The following SYNJ2 variants were observed in gnomAD, a reference collection of about 807,000 sequenced individuals.
SYNJ2 encodes the protein polyphosphatidylinositol phosphatase SYNJ2.
A neutral mutation model predicts 141.3 loss-of-function variants in SYNJ2; 116 were observed. That is an observed-to-expected ratio of 0.82 (90% CI 0.71 to 0.96). SYNJ2 has a LOEUF of 0.96. Among genes scored for constraint, SYNJ2 ranks in the 40% least tolerant of loss-of-function variants. SYNJ2 has a pLI of 0.00. For missense variants in SYNJ2, 1,873 were observed against 1,934.8 expected (o/e 0.97, Z 0.60); for synonymous variants, 745 against 777.7 (o/e 0.96, Z 0.70).
intron 16 of SYNJ2, among the ~76,000 whole-genome samples, chr6:158,075,979 C>A (rs1782259815): frequency 7.9e-6 from 1 of 126,114 alleles, no homozygotes; most frequent in South Asian, 2.7e-4. Flanking sequence ...TTGCCTAAGC[C>A]CAGGAGTTTG....
At position 158,071,494 on chromosome 6, in the gene SYNJ2, C is replaced by T; in HGVS notation, c.1941-108C>T. The T allele has an allele frequency of 7.8e-7, 1 of 1,281,174 alleles. No individual in the cohort carries two copies. The highest frequency in any genetic ancestry group is 1.4e-5 in the South Asian group (1 of 69,486). 79.4% of individuals were successfully genotyped at this position (1,281,174 alleles called of 1,614,324 possible). On this transcript the variant is annotated intron_variant, in intron 14 of 26. Transcript: ENST00000355585. The surrounding 1 kb of genome is among the most constrained non-coding windows in gnomAD (Gnocchi z 4.3). ...CTGTGTTGAGCTGATGATTTTGGAG[C>T]ACTCAGAGCAGCAGGTCCCGAGCTG...
In SYNJ2 at chr6:158,063,818, C is replaced by T. The variant is rs1234391456; in HGVS notation, c.1155C>T (p.Asn385=). ...TTCAGAAAGGCACTTTGCGGATGAACTGTCTTGACTGCCTGGACCGAACCA... is the reference window on the plus strand; with the variant it reads ...TTCAGAAAGGCACTTTGCGGATGAATTGTCTTGACTGCCTGGACCGAACCA... ...PRFQKGTLRM[N]CLDCLDRTNT... Residue 385 remains asparagine (N), a synonymous_variant, in exon 9 of 27, where the codon AAC becomes AAT. Coordinates refer to ENST00000355585, the MANE Select transcript of SYNJ2 (RefSeq NM_003898.4). The T allele has an allele frequency of 1.2e-6, 2 of 1,613,660 alleles. No homozygotes were observed. Among genetic ancestry groups the T allele is most frequent in the African/African-American group, 2.7e-5 (2 of 75,022 alleles).
intron 1 of SYNJ2, among the ~76,000 whole-genome samples, chr6:157,989,427 AATATATATATAT>A (rs34948131): frequency 0.018 from 1,769 of 96,300 alleles, 38 homozygotes; most frequent in Middle Eastern, 0.041. Flanking sequence ...TAAAAAAATG[AATATATATATAT>A]ATATATATAT....
At chr6:157,990,922 C>A (rs1777399715) in intron 1 of SYNJ2, among the ~76,000 whole-genome samples, 1 of 148,774 alleles carries the variant, frequency 6.7e-6, no homozygotes, top group Non-Finnish European at 1.5e-5. Flanking sequence ...AGTGGCTGCT[C>A]ACGGTGGGTA....
At position 158,067,439 on chromosome 6, in the gene SYNJ2, T is replaced by G. The variant is rs140574129; in HGVS notation, c.1717+804T>G. ...ATGTGCTATTTAGGAATAAAATAATTCCAAATGTTGACACCTCACCTTTTA... is the reference window on the plus strand; with the variant it reads ...ATGTGCTATTTAGGAATAAAATAATGCCAAATGTTGACACCTCACCTTTTA... On this transcript the variant is annotated intron_variant, in intron 12 of 26. Transcript: ENST00000355585. The G allele has an allele frequency of 1.2e-4, 116 of 985,212 alleles. 2 individuals carry two copies. The East Asian group carries it at 9.4e-3, about 80-fold the overall frequency. The allele number at this position is 985,212 out of a possible 1,614,324, so 61.0% of individuals were successfully genotyped here.
intron 1 of SYNJ2, among the ~76,000 whole-genome samples, chr6:157,985,112 G>A (rs11759006): frequency 0.16 from 24,340 of 152,228 alleles, 2,036 homozygotes; most frequent in Non-Finnish European, 0.19. Flanking sequence ...ACCTCTCGCC[G>A]AAGGGGCTGG....
intron 3 of SYNJ2, among the ~76,000 whole-genome samples, chr6:158,032,720 G>C (rs1463733014): frequency 1.3e-5 from 2 of 152,128 alleles, no homozygotes; most frequent in Non-Finnish European, 2.9e-5. Flanking sequence ...TTTCACATAG[G>C]GTCACTTCAA....
chr6:157,998,586 T>C (rs1399511816), intron 1 of SYNJ2, among the ~76,000 whole-genome samples: 1 of 152,142 alleles, frequency 6.6e-6, no homozygotes, highest in Non-Finnish European at 1.5e-5. Flanking sequence ...TAAGTGAGAG[T>C]CCTATGTTTT....
Position 158,040,858 on chromosome 6 carries a change from T to A in SYNJ2, c.712-2458T>A, listed in dbSNP as rs1779908161. Reference sequence around the variant, plus strand: ...CACTGGCCTGGCCTCATCACAGCACTGGCACGGGCCTCCGACTTTTCTTCC... The same window carrying A: ...CACTGGCCTGGCCTCATCACAGCACAGGCACGGGCCTCCGACTTTTCTTCC... On this transcript the variant is annotated intron_variant, in intron 4 of 26. Coordinates refer to ENST00000355585, the MANE Select transcript of SYNJ2 (RefSeq NM_003898.4). The surrounding 1 kb of genome is among the most constrained non-coding windows in gnomAD (Gnocchi z 4.2). Among the ~76,000 whole-genome samples the A allele has an allele frequency of 6.6e-6, 1 of 152,178 alleles. No individual in the cohort carries two copies. Among genetic ancestry groups the A allele is most frequent in the Admixed American group, 6.5e-5 (1 of 15,284 alleles).
chr6:158,055,593 A>C lies in SYNJ2; in HGVS notation c.857+565A>C, dbSNP rs112595891. Among the ~76,000 whole-genome samples the C allele has an allele frequency of 6.2e-3, 947 of 152,176 alleles. 9 individuals carry two copies. The highest frequency in any genetic ancestry group is 0.021 in the African/African-American group (892 of 41,500). On this transcript the variant is annotated intron_variant, in intron 6 of 26. Coordinates refer to ENST00000355585, the MANE Select transcript of SYNJ2 (RefSeq NM_003898.4). ...TTACTGTTTTGCAGCTTGCTTAAGA[A>C]AAGCAGAGCTATTTGTAATATGTAT...
rs1427392698 is a variant in SYNJ2 at position 158,095,675 on chromosome 6, C to T, written c.3802C>T (p.Pro1268Ser). ...QQTVHFTIGP[P>S]ETSVEAPPVV... Reference sequence around the variant, plus strand: ...GACTGTCCATTTTACAATCGGGCCCCCGGAGACAAGCGTTGAGGCCCCTCC... The same window carrying T: ...GACTGTCCATTTTACAATCGGGCCCTCGGAGACAAGCGTTGAGGCCCCTCC... The change falls in exon 27 of 27, where the codon CCG (proline) becomes TCG (serine). Residue 1268 changes from proline to serine, a missense_variant. Pro to Ser is a moderately conservative substitution (Grantham distance 74). Coordinates refer to ENST00000355585, the MANE Select transcript of SYNJ2 (RefSeq NM_003898.4). 3.1e-6 allele frequency: 5 copies of T among 1,613,554 alleles called. No homozygotes were observed. In the African/African-American group the frequency reaches 6.7e-5, roughly 22 times the overall value.
At chr6:158,025,091 T>C (rs1275862278) in intron 2 of SYNJ2, among the ~76,000 whole-genome samples, 1 of 152,210 alleles carries the variant, frequency 6.6e-6, no homozygotes, top group African/African-American at 2.4e-5. Flanking sequence ...TTTCGCGCAG[T>C]TCTGGAGGCT....
Position 157,988,767 on chromosome 6 carries a change from T to C in SYNJ2, c.127+6679T>C, listed in dbSNP as rs1777302013. ...TCCCTTTAGCATTTCTGGGCAGGGC[T>C]TGTTGGTGTCGTGGCCAGCTGTCCT... On this transcript the variant is annotated intron_variant, in intron 1 of 26. Coordinates refer to ENST00000355585, the MANE Select transcript of SYNJ2 (RefSeq NM_003898.4). 2.0e-5 allele frequency among the ~76,000 whole-genome samples: 3 copies of C among 152,346 alleles called. No individual in the cohort carries two copies. The Middle Eastern group carries it at 0.01, about 518-fold the overall frequency.
chr6:158,093,934 T>C (rs760756108), intron 26 of SYNJ2: 47 of 765,210 alleles, frequency 6.1e-5, no homozygotes, highest in Non-Finnish European at 1.0e-4. Context: ...TGCTTACTGC[T>C]TCAAAGACAT....
chr6:158,017,042 C>A, intron 1 of SYNJ2, 162 bp from the exon 2 acceptor site: 1 of 1,337,366 alleles, frequency 7.5e-7, no homozygotes, highest in Non-Finnish European at 9.6e-7. Flanking sequence ...CTGTGATTCG[C>A]GAATCATAAA....
Position 158,088,761 on chromosome 6 carries a change from C to T in SYNJ2, c.3445C>T (p.Pro1149Ser), listed in dbSNP as rs780870423. The change falls in exon 24 of 27, where the codon CCT becomes TCT. Residue 1149 changes from proline to serine, a missense_variant. By Grantham distance (74) the Pro-to-Ser change is moderately conservative. Coordinates refer to ENST00000355585, the MANE Select transcript of SYNJ2 (RefSeq NM_003898.4). ...GACGGCAAGACTTCTACCAGGAGCA[C>T]CTCAGCAACCTGTGAGTTCTTCTGC... The part of the protein sequence containing the change: ...LQTARLLPGA[P>S]QQPPKARTGI... 1.2e-5 allele frequency: 20 copies of T among 1,612,418 alleles called. No individual in the cohort carries two copies. Among genetic ancestry groups the T allele is most frequent in the East Asian group, 2.2e-5 (1 of 44,878 alleles).
intron 1 of SYNJ2, among the ~76,000 whole-genome samples, chr6:158,006,497 G>A (rs1277674704): frequency 6.6e-6 from 1 of 152,164 alleles, no homozygotes; most frequent in Non-Finnish European, 1.5e-5. Context: ...CCGCCAGGAT[G>A]CCACGCACTG....
At chr6:158,002,125 T>C (rs902762537) in intron 1 of SYNJ2, 3 of 152,502 alleles carry the variant, frequency 2.0e-5, no homozygotes, top group Admixed American at 1.3e-4. Flanking sequence ...TGGCTTGTCT[T>C]ACGCTCTGTT....
At chr6:158,073,710 A>G (rs936539765) in intron 15 of SYNJ2, among the ~76,000 whole-genome samples, 1 of 152,156 alleles carries the variant, frequency 6.6e-6, no homozygotes, top group African/African-American at 2.4e-5. Flanking sequence ...AGTGTTATCT[A>G]GACGCTCATT....
Sources: allele counts gnomAD v4.1 joint callset (sites outside exome capture counted in the v4.1 genomes callset), GRCh38; gene constraint gnomAD v4.1.1; non-coding constraint Gnocchi (gnomAD v3.1); transcripts MANE v1.5; gene names NCBI Gene and HGNC (gene_info 2026-07-23, HGNC 2026-07-21).